UBE2H: variants seen among roughly 807,000 people sequenced by gnomAD.
The protein encoded by UBE2H is ubiquitin conjugating enzyme E2 H, also known as ubiquitin-conjugating enzyme E2 H.
In UBE2H, 3 loss-of-function variants were observed where a neutral mutation model predicts 29.0. The ratio of observed to expected loss-of-function variants is 0.10; its 90% confidence interval spans 0.05 to 0.27. UBE2H has a LOEUF of 0.27. Ranked by LOEUF, UBE2H falls within the 10% of genes least tolerant of loss-of-function variation. UBE2H has a pLI of 1.00. For synonymous variants in UBE2H, 69 were observed against 82.9 expected (o/e 0.83, Z 0.91); for missense variants, 68 against 228.2 (o/e 0.30, Z 4.52).
At chr7:129,838,306 T>C (rs1258067824) in intron 6 of UBE2H, among the ~76,000 whole-genome samples, 1 of 152,228 alleles carries the variant, frequency 6.6e-6, no homozygotes, top group Non-Finnish European at 1.5e-5. Context: ...GAATAGTCCC[T>C]GTTTGCCTCA....
chr7:129,863,992 C>A lies in UBE2H; in HGVS notation c.206-5051G>T, dbSNP rs769024113. Among the ~76,000 whole-genome samples the A allele has an allele frequency of 1.5e-4, 23 of 152,196 alleles. No homozygotes were observed. The South Asian group carries it at 1.7e-3, about 11-fold the overall frequency. On this transcript the variant is annotated intron_variant, in intron 3 of 6. Coordinates refer to ENST00000355621, the MANE Select transcript of UBE2H (RefSeq NM_003344.4). ...TTTTTTCGTAGAGATAGGGTTTCAC[C>A]ATGTTGGCCAGGCTGGTCTTGAACT...
intron 1 of UBE2H, among the ~76,000 whole-genome samples, chr7:129,949,431 T>C (rs984558124): frequency 2.8e-4 from 43 of 152,200 alleles, no homozygotes; most frequent in African/African-American, 8.9e-4. Flanking sequence ...GTTTTTTTAC[T>C]GGGACACATT....
chr7:129,846,427 G>A (rs772546035), intron 5 of UBE2H, among the ~76,000 whole-genome samples: 2 of 151,916 alleles, frequency 1.3e-5, no homozygotes, highest in African/African-American at 2.4e-5. Flanking sequence ...CAACTACTCA[G>A]GAGAGTAGGT....
intron 1 of UBE2H, among the ~76,000 whole-genome samples, chr7:129,945,974 G>A (rs1807753346): frequency 2.0e-5 from 3 of 151,992 alleles, no homozygotes; most frequent in East Asian, 1.9e-4. Context: ...TCAAACTCCT[G>A]ACCTCAGGTG....
rs760240862 is a variant in UBE2H at position 129,858,968 on chromosome 7, C to A, written c.206-27G>T. On this transcript the variant is annotated intron_variant, in intron 3 of 6. Transcript: ENST00000355621. Reference sequence around the variant, plus strand: ...TGTAAAAAGAGATGTTAATTAGCAGCAAAAAGTATCCAGAGAACAATAAAA... The same window carrying A: ...TGTAAAAAGAGATGTTAATTAGCAGAAAAAAGTATCCAGAGAACAATAAAA... 2.5e-6 allele frequency: 4 copies of A among 1,582,538 alleles called. No homozygotes were observed. The African/African-American group carries it at 5.4e-5, about 21-fold the overall frequency.
rs1292899059 is a variant in UBE2H at position 129,879,769 on chromosome 7, G to A, written c.131-127C>T. On this transcript the variant is annotated intron_variant, in intron 2 of 6. Transcript: ENST00000355621. ...CAAATTAATTCCTTCAAGAGTCAGG[G>A]ACCTACTACAATCAATAGGTGTACC... The A allele has an allele frequency of 3.3e-5, 26 of 777,052 alleles. No individual in the cohort carries two copies. In the South Asian group the frequency reaches 4.4e-4, roughly 13 times the overall value. 48.1% of individuals were successfully genotyped at this position (777,052 alleles called of 1,614,324 possible). A position where few individuals can be genotyped will look rare whatever the true frequency, so the allele number is the denominator to read the frequency against.
intron 5 of UBE2H, among the ~76,000 whole-genome samples, chr7:129,847,454 A>G (rs980457173): frequency 7.2e-5 from 11 of 152,104 alleles, no homozygotes; most frequent in African/African-American, 2.7e-4. Flanking sequence ...TTGAAGTTAC[A>G]GTGAGCTATG....
chr7:129,869,240 T>C (rs1012438614), intron 3 of UBE2H, among the ~76,000 whole-genome samples: 1 of 152,040 alleles, frequency 6.6e-6, no homozygotes, highest in African/African-American at 2.4e-5. Flanking sequence ...GCCCGGCTTG[T>C]TTCTTAAGCT....
chr7:129,940,531 C>G (rs1288708243), intron 1 of UBE2H, among the ~76,000 whole-genome samples: 1 of 152,206 alleles, frequency 6.6e-6, no homozygotes, highest in Admixed American at 6.5e-5. Context: ...CTACCTACTC[C>G]TCTCTCTGAC....
At chr7:129,938,383 G>A (rs186527982) in intron 1 of UBE2H, among the ~76,000 whole-genome samples, 14 of 131,954 alleles carry the variant, frequency 1.1e-4, no homozygotes, top group African/African-American at 3.6e-4. Flanking sequence ...GCACTCCAGC[G>A]TGGGCAACAG....
At chr7:129,877,486 G>A (rs1806168403) in intron 3 of UBE2H, among the ~76,000 whole-genome samples, 1 of 152,056 alleles carries the variant, frequency 6.6e-6, no homozygotes, top group Non-Finnish European at 1.5e-5. Context: ...GGGTCACCCC[G>A]CACAACTGAT....
intron 3 of UBE2H, among the ~76,000 whole-genome samples, chr7:129,877,239 G>A (rs1806164178): frequency 6.6e-6 from 1 of 152,152 alleles, no homozygotes; most frequent in African/African-American, 2.4e-5. Context: ...ACAGCTGATT[G>A]TTTAAAAGCT....
At chr7:129,938,861 C>T (rs765540112) in intron 1 of UBE2H, among the ~76,000 whole-genome samples, 1 of 151,500 alleles carries the variant, frequency 6.6e-6, no homozygotes, top group Non-Finnish European at 1.5e-5. Context: ...TGCAGTGATG[C>T]GATCTCGGCT....
At chr7:129,918,113 A>G (rs1390546501) in intron 1 of UBE2H, among the ~76,000 whole-genome samples, 1 of 152,202 alleles carries the variant, frequency 6.6e-6, no homozygotes, top group African/African-American at 2.4e-5. Context: ...AAAGCAAGAC[A>G]AATGCTCCTA....
At chr7:129,870,016 T>G (rs1805996554) in intron 3 of UBE2H, among the ~76,000 whole-genome samples, 2 of 152,198 alleles carry the variant, frequency 1.3e-5, no homozygotes, top group South Asian at 4.1e-4. Flanking sequence ...CTCTAGTTCT[T>G]TCACTAAATA....
At chr7:129,840,956 CA>C (rs1200024651) in intron 5 of UBE2H, among the ~76,000 whole-genome samples, 1 of 152,128 alleles carries the variant, frequency 6.6e-6, no homozygotes, top group Admixed American at 6.5e-5. Flanking sequence ...TGTCTAGAGA[CA>C]TTTTTGGTTG....
chr7:129,881,377 C>T (rs570591755), intron 1 of UBE2H, among the ~76,000 whole-genome samples: 2 of 152,224 alleles, frequency 1.3e-5, no homozygotes, highest in East Asian at 1.9e-4. Context: ...CCAGACGCAG[C>T]GGCTCACGCC....
intron 1 of UBE2H, among the ~76,000 whole-genome samples, chr7:129,882,850 TTAAAA>T (rs1315788167): frequency 6.6e-6 from 1 of 152,104 alleles, no homozygotes; most frequent in Non-Finnish European, 1.5e-5. Flanking sequence ...GCAAATCCAG[TTAAAA>T]TAAAATTAAA....
intron 6 of UBE2H, among the ~76,000 whole-genome samples, chr7:129,836,455 G>A (rs969475480): frequency 5.9e-5 from 9 of 152,172 alleles, no homozygotes; most frequent in South Asian, 2.1e-4. Context: ...AGTTACGGAC[G>A]AAAAACGGCC....
Sources: allele counts gnomAD v4.1 joint callset (sites outside exome capture counted in the v4.1 genomes callset), GRCh38; gene constraint gnomAD v4.1.1; transcripts MANE v1.5; gene names NCBI Gene and HGNC (gene_info 2026-07-23, HGNC 2026-07-21).